PRSS35: variants seen among roughly 807,000 people sequenced by gnomAD.
PRSS35 encodes inactive serine protease 35.
PRSS35 carries 7 observed loss-of-function variants against 8.1 expected under a neutral mutation model. The ratio of observed to expected loss-of-function variants is 0.86; its 90% CI spans 0.49 to 1.62. PRSS35 has a LOEUF of 1.62. PRSS35 is among the 40% of genes most tolerant of loss of function. The probability of loss-of-function intolerance (pLI) is 0.00; values close to 1 mark genes in which losing one functional copy is unlikely to be tolerated. For missense variants in PRSS35, 566 were observed against 518.0 expected, an observed-to-expected ratio of 1.09 and a Z score of -0.90; for synonymous variants, 199 against 188.7, an observed-to-expected ratio of 1.05 and a Z score of -0.45.
chr6:83,516,095 G>A (rs1022777760), intron 1 of PRSS35, among the ~76,000 whole-genome samples: 5 of 151,878 alleles, frequency 3.3e-5, no homozygotes, highest in African/African-American at 1.2e-4. Context: ...GATTACAGGT[G>A]TGAGCCACAG....
At position 83,523,564 on chromosome 6, in the gene PRSS35, G is replaced by C. The variant is rs553841861; in HGVS notation, c.123G>C (p.Arg41Ser). ...AGGTACCCCGGATTGTCAGTGAAAG[G>C]ACTTTCCATCTCACCAGCCCCGCAT... ...LRKVPRIVSE[R>S]TFHLTSPAFE... Residue 41 changes from arginine (R) to serine (S), a missense_variant, in exon 2 of 2, where the codon AGG (arginine) becomes AGC (serine). Arg to Ser is a moderately radical substitution (Grantham distance 110). Transcript: ENST00000369700. 1 of 1,614,186 alleles carries C rather than the reference G, an allele frequency of 6.2e-7. No homozygotes were observed.
In PRSS35 at chr6:83,524,394, A is replaced by C. The variant is rs757126180; in HGVS notation, c.953A>C (p.Asp318Ala). Reference protein sequence around the residue: ...HFSGFDNDRADQLVYRFCSVS... With the variant: ...HFSGFDNDRAAQLVYRFCSVS... ...TCAGGATTTGATAACGATAGGGCTGATCAGTTGGTCTATCGGTTTTGCAGT... is the reference window on the plus strand; with the variant it reads ...TCAGGATTTGATAACGATAGGGCTGCTCAGTTGGTCTATCGGTTTTGCAGT... The change falls in exon 2 of 2, where the codon GAT becomes GCT. Residue 318 changes from aspartate (D) to alanine (A), a missense_variant. By Grantham distance (126) the Asp-to-Ala change is moderately radical (BLOSUM62 -2). Transcript: ENST00000369700. 6.2e-7 allele frequency: 1 copy of C among 1,614,198 alleles called. No individual in the cohort carries two copies. Among genetic ancestry groups the C allele is most frequent in the Non-Finnish European group, 8.5e-7 (1 of 1,180,040 alleles).
At position 83,525,555 on chromosome 6, in the gene PRSS35, A is replaced by C. The variant is rs117011725; in HGVS notation, c.*872A>C. 6.0e-6 allele frequency: 1 copy of C among 167,264 alleles called. No homozygotes were observed. The highest frequency in any genetic ancestry group is 1.9e-4 in the East Asian group (1 of 5,196). 10.4% of individuals were successfully genotyped at this position (167,264 alleles called of 1,614,324 possible). Reference sequence around the variant, plus strand: ...TATGAGGTGCTACATTTTTAGGACAAAGAATTCTGTAATCTTTTTCAAGAA... The same window carrying C: ...TATGAGGTGCTACATTTTTAGGACACAGAATTCTGTAATCTTTTTCAAGAA... On this transcript the variant is annotated 3_prime_UTR_variant, in exon 2 of 2. Transcript: ENST00000369700.
chr6:83,513,775 C>G (rs191412603), intron 1 of PRSS35, among the ~76,000 whole-genome samples: 3 of 152,140 alleles, frequency 2.0e-5, no homozygotes, highest in African/African-American at 4.8e-5. Flanking sequence ...AGCTTTTTCA[C>G]GTTTTAAAAT....
chr6:83,514,858 T>C (rs1771683725), intron 1 of PRSS35, among the ~76,000 whole-genome samples: 1 of 152,224 alleles, frequency 6.6e-6, no homozygotes, highest in South Asian at 2.1e-4. Flanking sequence ...CTCTGTGGCC[T>C]GTAGGTAGGT....
At chr6:83,516,575 CAAAA>C (rs70987760) in intron 1 of PRSS35, among the ~76,000 whole-genome samples, 15 of 101,858 alleles carry the variant, frequency 1.5e-4, no homozygotes, top group East Asian at 5.6e-4. Context: ...GACTGCGTCT[CAAAA>C]AAAAAAAAAA....
rs1325839786 is a variant in PRSS35, at chr6:83,523,939, T to A, written c.498T>A (p.Thr166=). The A allele has an allele frequency of 1.2e-6, 2 of 1,614,072 alleles. No homozygotes were observed. Among genetic ancestry groups the A allele is most frequent in the Non-Finnish European group, 1.7e-6 (2 of 1,180,042 alleles). Residue 166 remains threonine, a synonymous_variant, in exon 2 of 2, where the codon ACT becomes ACA. Coordinates refer to ENST00000369700, the MANE Select transcript of PRSS35 (RefSeq NM_153362.3). ...GILISPQHVL[T]AAHCVHDGKD... ...TCATTTCCCCTCAGCATGTTCTAAC[T>A]GCTGCCCACTGTGTTCATGATGGAA...
At position 83,524,187 on chromosome 6, in the gene PRSS35, T is replaced by G. The variant is rs1171242271; in HGVS notation, c.746T>G (p.Phe249Cys). 2 of 1,613,822 alleles carry G rather than the reference T, an allele frequency of 1.2e-6. No homozygotes were observed. Among genetic ancestry groups the G allele is most frequent in the African/African-American group, 2.7e-5 (2 of 74,864 alleles). ...AGGATTGCCGAAGGGAGGCCTTCCT[T>G]TCAGTGGACCCGGGTCAAGAATACC... ...GQRIAEGRPS[F>C]QWTRVKNTHI... The change falls in exon 2 of 2, where the codon TTT becomes TGT. Residue 249 changes from phenylalanine (F) to cysteine (C), a missense_variant. Physicochemically the swap from Phe to Cys is radical, Grantham distance 205 (BLOSUM62 -2). Transcript: ENST00000369700.
Position 83,524,398 on chromosome 6 carries a change from GT to G in PRSS35, c.959del (p.Leu320TrpfsTer35). 1 of 1,614,224 alleles carries G rather than the reference GT, an allele frequency of 6.2e-7. No individual in the cohort carries two copies. On this transcript the variant is annotated frameshift_variant, in exon 2 of 2. Transcript: ENST00000369700. LOFTEE classifies it high-confidence loss of function. ...SGFDNDRADQLVYRFCSVSDE... is the reference protein window; with the variant it reads ...SGFDNDRADQXVYRFCSVSDE... ...GATTTGATAACGATAGGGCTGATCA[GT>G]TGGTCTATCGGTTTTGCAGTGTGTC...
At position 83,523,642 on chromosome 6, in the gene PRSS35, G is replaced by C. The variant is rs754432342; in HGVS notation, c.201G>C (p.Gln67His). ...ATACAGTGTGTGGCATCGAATGCCA[G>C]AAAGAACTCCCAACTCCCAGCCTTT... ...MVNTVCGIEC[Q>H]KELPTPSLSE... The change falls in exon 2 of 2, where the codon CAG (glutamine) becomes CAC (histidine). Residue 67 changes from glutamine (Q) to histidine (H), a missense_variant. By Grantham distance (24) the Gln-to-His change is conservative. Coordinates refer to ENST00000369700, the MANE Select transcript of PRSS35 (RefSeq NM_153362.3). 6.2e-7 allele frequency: 1 copy of C among 1,614,184 alleles called. No homozygotes were observed. The highest frequency in any genetic ancestry group is 1.1e-5 in the South Asian group (1 of 91,088).
At position 83,523,727 on chromosome 6, in the gene PRSS35, A is replaced by G; in HGVS notation, c.286A>G (p.Thr96Ala). The G allele has an allele frequency of 6.2e-7, 1 of 1,614,194 alleles. No individual in the cohort carries two copies. The highest frequency in any genetic ancestry group is 8.5e-7 in the Non-Finnish European group (1 of 1,180,034). The change falls in exon 2 of 2, where the codon ACC becomes GCC. Residue 96 changes from threonine to alanine, a missense_variant. Transcript: ENST00000369700. Reference sequence around the variant, plus strand: ...CTTTGAGAATGGCACCCGAACCTTAACCAGGGTGAAAGTTCAAGATTTGGT... The same window carrying G: ...CTTTGAGAATGGCACCCGAACCTTAGCCAGGGTGAAAGTTCAAGATTTGGT... The part of the protein sequence containing the change: ...TVFENGTRTL[T>A]RVKVQDLVLE...
In PRSS35 at chr6:83,523,564, G is replaced by T. The variant is rs553841861; in HGVS notation, c.123G>T (p.Arg41Ser). Residue 41 changes from arginine to serine, a missense_variant, in exon 2 of 2, where the codon AGG becomes AGT. Transcript: ENST00000369700. ...LRKVPRIVSE[R>S]TFHLTSPAFE... is the part of the protein sequence containing the mutation. The stretch of plus-strand genomic sequence containing the variant: ...AGGTACCCCGGATTGTCAGTGAAAG[G>T]ACTTTCCATCTCACCAGCCCCGCAT... The T allele has an allele frequency of 7.4e-6, 12 of 1,614,186 alleles. No homozygotes were observed. In the East Asian group the frequency reaches 2.5e-4, roughly 33 times the overall value.
At chr6:83,515,416 G>A (rs1189403377) in intron 1 of PRSS35, among the ~76,000 whole-genome samples, 1 of 152,106 alleles carries the variant, frequency 6.6e-6, no homozygotes, top group East Asian at 1.9e-4. Flanking sequence ...TTTTAAAATT[G>A]CATTTCTGTA....
chr6:83,516,234 G>T (rs1382273350), intron 1 of PRSS35, among the ~76,000 whole-genome samples: 1 of 152,030 alleles, frequency 6.6e-6, no homozygotes, highest in East Asian at 1.9e-4. Flanking sequence ...AAACTCAGTG[G>T]TTTAAAACAA....
intron 1 of PRSS35, 67 bp from the exon 2 acceptor site, chr6:83,523,355 G>C: frequency 8.1e-7 from 1 of 1,240,310 alleles, no homozygotes; most frequent in South Asian, 1.5e-5. Context: ...TCCAAGGGCT[G>C]AATGAAATGG....
chr6:83,524,710 C>T lies in PRSS35; in HGVS notation c.*27C>T, dbSNP rs867128185. 1 of 1,563,888 alleles carries T rather than the reference C, an allele frequency of 6.4e-7. No individual in the cohort carries two copies. The highest frequency in any genetic ancestry group is 2.2e-5 in the East Asian group (1 of 44,556). The stretch of plus-strand genomic sequence containing the variant: ...AGAGACCTGAAACAGGGCGGTGTAT[C>T]ATCTAAATCACAGAGAAAACCAGCT... On this transcript the variant is annotated 3_prime_UTR_variant, in exon 2 of 2. Transcript: ENST00000369700.
chr6:83,512,579 GGGC>G lies in PRSS35; in HGVS notation c.-132_-130del, dbSNP rs1395943207. ...TGGGTGCTGTGGCCCGGCCTTGGCGGGGCGGCCTCCGGCTCAGGCTGGCTGAGA... is the reference window on the plus strand; with the variant it reads ...TGGGTGCTGTGGCCCGGCCTTGGCGGGGCCTCCGGCTCAGGCTGGCTGAGA... On this transcript the variant is annotated 5_prime_UTR_variant, in exon 1 of 2. Transcript: ENST00000369700. 6 of 152,320 alleles carry G rather than the reference GGGC, an allele frequency of 3.9e-5. No homozygotes were observed. Among genetic ancestry groups the G allele is most frequent in the Admixed American group, 2.0e-4 (3 of 15,262 alleles). The allele number at this position is 152,320 out of a possible 1,614,324, so 9.4% of individuals were successfully genotyped here. A position where few individuals can be genotyped will look rare whatever the true frequency, so the allele number is the denominator to read the frequency against.
intron 1 of PRSS35, among the ~76,000 whole-genome samples, chr6:83,514,143 TG>T (rs1771672659): frequency 1.3e-5 from 2 of 152,200 alleles, no homozygotes; most frequent in African/African-American, 4.8e-5. Flanking sequence ...TGACCATAGA[TG>T]CTTTAAAACC....
chr6:83,524,194 G>A lies in PRSS35; in HGVS notation c.753G>A (p.Trp251Ter), dbSNP rs780784760. 6.2e-7 allele frequency: 1 copy of A among 1,614,104 alleles called. No homozygotes were observed. The highest frequency in any genetic ancestry group is 1.7e-5 in the Admixed American group (1 of 60,010). ...RIAEGRPSFQWTRVKNTHIPK... is the reference protein window; with the variant it reads ...RIAEGRPSFQ ...CCGAAGGGAGGCCTTCCTTTCAGTG[G>A]ACCCGGGTCAAGAATACCCACATTC... is the stretch of plus-strand genomic sequence containing the variant. The change falls in exon 2 of 2, where the codon TGG becomes TGA. Residue 251 changes from tryptophan to a stop codon, truncating the protein, a stop_gained. Coordinates refer to ENST00000369700, the MANE Select transcript of PRSS35 (RefSeq NM_153362.3). LOFTEE classifies it high-confidence loss of function.
Sources: gnomAD v4.1 joint callset for allele counts (sites outside exome capture counted in the v4.1 genomes callset) on GRCh38, gnomAD v4.1.1 for gene constraint, MANE v1.5 for transcripts, NCBI Gene and HGNC (gene_info 2026-07-23, HGNC 2026-07-21) for gene names.